Variants in EDA observed in about 807,000 individuals in gnomAD.
EDA encodes the protein ectodysplasin A.
Under a neutral mutation model 23.6 loss-of-function variants are expected in EDA, and 2 were observed. The observed-to-expected ratio is 0.08, with a 90% CI of 0.03 to 0.27. EDA has a LOEUF of 0.27. Ranked by LOEUF, EDA falls within the 10% of genes least tolerant of loss-of-function variation. EDA has a pLI of 1.00. For synonymous variants in EDA, 131 were observed against 132.0 expected (o/e 0.99, Z 0.05); for missense variants, 229 against 324.2 (o/e 0.71, Z 2.26).
chrX:69,898,662 T>A (rs1258949347), intron 1 of EDA, among the ~76,000 whole-genome samples: 1 of 111,694 alleles, frequency 9.0e-6, no homozygotes, highest in Non-Finnish European at 1.9e-5. Flanking sequence ...GAGAGAAAAT[T>A]TTTTCCTGAT....
chrX:69,888,978 TTATATATATATATATA>T (rs935436674), intron 1 of EDA, among the ~76,000 whole-genome samples: 200 of 16,013 alleles, frequency 0.012, 15 homozygotes, highest in East Asian at 0.026. Flanking sequence ...TGTGGGGTAG[TTATATATATATATATA>T]TATATATATA....
chrX:69,650,644 A>G (rs1405798271), intron 1 of EDA, among the ~76,000 whole-genome samples: 2 of 112,181 alleles, frequency 1.8e-5, no homozygotes, highest in Non-Finnish European at 3.8e-5. Flanking sequence ...CCCATATCCA[A>G]CCATTACACA....
At chrX:69,738,896 T>C (rs750915139) in intron 1 of EDA, among the ~76,000 whole-genome samples, 1 of 111,380 alleles carries the variant, frequency 9.0e-6, no homozygotes, top group African/African-American at 3.2e-5. Flanking sequence ...GAGGATTGTT[T>C]TATGGCCTAG....
At chrX:69,825,276 C>A (rs1420472363) in intron 1 of EDA, among the ~76,000 whole-genome samples, 1 of 97,253 alleles carries the variant, frequency 1.0e-5, no homozygotes, top group African/African-American at 3.8e-5. Flanking sequence ...AGGAATGGTA[C>A]CAGTTCCTCC....
chrX:69,843,026 G>A (rs1431653617), intron 1 of EDA, among the ~76,000 whole-genome samples: 1 of 111,774 alleles, frequency 8.9e-6, no homozygotes, highest in Non-Finnish European at 1.9e-5. Context: ...TTTCTTTATA[G>A]CAATGCAAGA....
At chrX:69,828,734 A>G (rs775020673) in intron 1 of EDA, among the ~76,000 whole-genome samples, 1 of 112,116 alleles carries the variant, frequency 8.9e-6, no homozygotes, top group East Asian at 2.8e-4. Flanking sequence ...CCCTCATGTT[A>G]TTCTATTAAA....
At chrX:70,031,118 G>A (rs142657239) in intron 6 of EDA, among the ~76,000 whole-genome samples, 1,421 of 112,427 alleles carry the variant, frequency 0.013, 23 homozygotes, top group African/African-American at 0.044. Context: ...ATATTTGTAC[G>A]ATACTTTAGA....
chrX:69,730,802 T>C (rs2012993310), intron 1 of EDA, among the ~76,000 whole-genome samples: 1 of 112,519 alleles, frequency 8.9e-6, no homozygotes, highest in Non-Finnish European at 1.9e-5. Flanking sequence ...GCTTATTATC[T>C]TCATTGCTTT....
chrX:70,032,122 A>G lies in EDA; in HGVS notation c.794-1276A>G, dbSNP rs775525430. Among the ~76,000 whole-genome samples, 83 of 111,211 alleles carry G rather than the reference A, an allele frequency of 7.5e-4. 1 individual carries two copies. Among genetic ancestry groups the G allele is most frequent in the Non-Finnish European group, 1.1e-3 (59 of 52,958 alleles). ...AAAAATACAAAAATTAGCTGGGCAT[A>G]GTGGCACACACCTGTAATCCCAGCT... is the stretch of plus-strand genomic sequence containing the variant. On this transcript the variant is annotated intron_variant, in intron 6 of 7. Transcript: ENST00000374552.
intron 1 of EDA, among the ~76,000 whole-genome samples, chrX:69,736,932 C>T (rs776466563): frequency 1.5e-4 from 16 of 108,865 alleles, no homozygotes; most frequent in African/African-American, 4.7e-4. Flanking sequence ...CCACCATGCC[C>T]GGCTAATTTT....
intron 1 of EDA, among the ~76,000 whole-genome samples, chrX:69,828,712 A>G (rs374144849): frequency 8.9e-6 from 1 of 112,349 alleles, no homozygotes; most frequent in South Asian, 3.7e-4. Context: ...CTATTCGGCC[A>G]TCTTGGCTCC....
At chrX:69,820,057 T>TAGACCAATTCCCTATTCTG (rs1415540888) in intron 1 of EDA, among the ~76,000 whole-genome samples, 1 of 111,001 alleles carries the variant, frequency 9.0e-6, no homozygotes, top group Non-Finnish European at 1.9e-5. Context: ...CATAGACCAA[T>TAGACCAATTCCCTATTCTG]GGAACAGAAT....
chrX:69,833,691 T>A (rs2016687678), intron 1 of EDA, among the ~76,000 whole-genome samples: 1 of 111,302 alleles, frequency 9.0e-6, no homozygotes, highest in Non-Finnish European at 1.9e-5. Flanking sequence ...TTTTGGTTGG[T>A]AGGCTATTAA....
chrX:70,017,964 GC>G (rs1274733034), intron 2 of EDA, among the ~76,000 whole-genome samples: 1 of 111,815 alleles, frequency 8.9e-6, no homozygotes, highest in Non-Finnish European at 1.9e-5. Flanking sequence ...CATAGTCTCT[GC>G]CCAAAAGCTC....
intron 2 of EDA, among the ~76,000 whole-genome samples, chrX:70,014,482 T>C (rs1489931885): frequency 8.9e-6 from 1 of 112,180 alleles, no homozygotes; most frequent in African/African-American, 3.2e-5. Context: ...CCCACGCAGA[T>C]GAGAAAGAAC....
chrX:69,764,231 ATTCTTTT>A, intron 1 of EDA, among the ~76,000 whole-genome samples: 1 of 34,988 alleles, frequency 2.9e-5, no homozygotes, highest in South Asian at 2.3e-3. Flanking sequence ...TTCATTTTTT[ATTCTTTT>A]TTTTTTTTTT....
At chrX:69,894,573 T>A (rs879208012) in intron 1 of EDA, among the ~76,000 whole-genome samples, 1 of 111,852 alleles carries the variant, frequency 8.9e-6, no homozygotes, top group Non-Finnish European at 1.9e-5. Flanking sequence ...ATGTCATCTC[T>A]GATTTCTTTG....
At chrX:69,825,912 T>C (rs1200118523) in intron 1 of EDA, among the ~76,000 whole-genome samples, 2 of 109,552 alleles carry the variant, frequency 1.8e-5, no homozygotes, top group Non-Finnish European at 3.8e-5. Context: ...TTGTTCTCGT[T>C]GGTTTCAAAG....
chrX:69,850,799 A>G (rs1418021508), intron 1 of EDA, among the ~76,000 whole-genome samples: 1 of 112,289 alleles, frequency 8.9e-6, no homozygotes, highest in Non-Finnish European at 1.9e-5. Context: ...TTCTCTAGCC[A>G]CATTGAATTA....
Sources: allele counts gnomAD v4.1 joint callset (sites outside exome capture counted in the v4.1 genomes callset), GRCh38; gene constraint gnomAD v4.1.1; transcripts MANE v1.5; gene names NCBI Gene and HGNC (gene_info 2026-07-23, HGNC 2026-07-21).